TENM3: variants seen among roughly 807,000 people sequenced by gnomAD.
TENM3 encodes the protein teneurin transmembrane protein 3.
In TENM3, 63 loss-of-function variants were observed where a neutral mutation model predicts 255.1. The ratio of observed to expected loss-of-function variants is 0.25; its 90% confidence interval spans 0.20 to 0.30. The LOEUF is 0.30. TENM3 is among the 10% of genes least tolerant of loss of function. The pLI is 1.00. For missense variants in TENM3, 2,929 were observed against 3,461.1 expected, an observed-to-expected ratio of 0.85 and a Z score of 3.86; for synonymous variants, 1,306 against 1,322.3, an observed-to-expected ratio of 0.99 and a Z score of 0.27.
chr4:182,256,109 C>T (rs1328768504), intron 1 of TENM3, among the ~76,000 whole-genome samples: 2 of 152,180 alleles, frequency 1.3e-5, no homozygotes, highest in Non-Finnish European at 1.5e-5. Context: ...CCAACCGTTG[C>T]AAAATGATGA....
intron 3 of TENM3, among the ~76,000 whole-genome samples, chr4:182,541,978 G>A (rs550995818): frequency 1.3e-5 from 2 of 152,056 alleles, no homozygotes; most frequent in African/African-American, 4.8e-5. Flanking sequence ...TGGGAGGATC[G>A]CTTGAGCCCA....
intron 1 of TENM3, among the ~76,000 whole-genome samples, chr4:182,323,136 C>A (rs1580155755): frequency 6.6e-6 from 1 of 152,142 alleles, no homozygotes; most frequent in South Asian, 2.1e-4. Flanking sequence ...ACCCTTTCCA[C>A]TGTCAGTTCA....
At chr4:182,382,951 G>C (rs1173147585) in intron 3 of TENM3, among the ~76,000 whole-genome samples, 1 of 152,068 alleles carries the variant, frequency 6.6e-6, no homozygotes, top group African/African-American at 2.4e-5. Flanking sequence ...CCATGAGCTG[G>C]GACCACCTAC....
At chr4:182,295,307 T>C in intron 1 of TENM3, among the ~76,000 whole-genome samples, 1 of 132,724 alleles carries the variant, frequency 7.5e-6, no homozygotes, top group Admixed American at 8.3e-5. Flanking sequence ...TCACTCTGTC[T>C]CCCAGACTGG....
chr4:181,545,531 A>T, the TENM3 span, among the ~76,000 whole-genome samples: 1 of 152,204 alleles, frequency 6.6e-6, no homozygotes, highest in Non-Finnish European at 1.5e-5. Flanking sequence ...TAAGGATAAT[A>T]GTCGATTTTA....
chr4:182,315,090 T>G (rs1169279742), intron 1 of TENM3, among the ~76,000 whole-genome samples: 1 of 152,180 alleles, frequency 6.6e-6, no homozygotes, highest in African/African-American at 2.4e-5. Flanking sequence ...ATGCTATTAT[T>G]GAGATATATT....
At chr4:181,526,792 G>T in the TENM3 span, among the ~76,000 whole-genome samples, 1 of 152,190 alleles carries the variant, frequency 6.6e-6, no homozygotes, top group Non-Finnish European at 1.5e-5. Flanking sequence ...AATTTCTTCT[G>T]TCTTCCTCTA....
intron 18 of TENM3, among the ~76,000 whole-genome samples, chr4:182,740,838 G>T (rs965161456): frequency 6.6e-6 from 1 of 152,028 alleles, no homozygotes; most frequent in African/African-American, 2.4e-5. Flanking sequence ...TGTAAAAACC[G>T]AACTTTCCAA....
chr4:182,498,230 C>A (rs1014417091), intron 3 of TENM3, among the ~76,000 whole-genome samples: 1 of 152,082 alleles, frequency 6.6e-6, no homozygotes, highest in Admixed American at 6.6e-5. Context: ...GGAAGGCTGA[C>A]TCGTAATTTC....
chr4:182,785,754 T>G (rs1344113749), intron 24 of TENM3, among the ~76,000 whole-genome samples: 1 of 132,098 alleles, frequency 7.6e-6, no homozygotes, highest in African/African-American at 2.9e-5. Flanking sequence ...CCTGGAATAA[T>G]GCTGGTACTT....
the TENM3 span, among the ~76,000 whole-genome samples, chr4:181,762,876 G>A: frequency 6.1e-3 from 916 of 151,286 alleles, 9 homozygotes; most frequent in African/African-American, 0.021. Flanking sequence ...CTATTATTAC[G>A]TGGAAGACTT....
the TENM3 span, among the ~76,000 whole-genome samples, chr4:181,490,015 G>T: frequency 1.3e-5 from 2 of 152,052 alleles, no homozygotes; most frequent in African/African-American, 4.8e-5. Flanking sequence ...ACCTATTTTA[G>T]TTAAAGTTCT....
At chr4:181,984,947 A>G in the TENM3 span, among the ~76,000 whole-genome samples, 16 of 152,096 alleles carry the variant, frequency 1.1e-4, no homozygotes, top group Admixed American at 2.0e-4. Context: ...AGAGAAATCA[A>G]ATTATACTGG....
the TENM3 span, among the ~76,000 whole-genome samples, chr4:181,589,966 T>A: frequency 4.6e-5 from 7 of 152,208 alleles, no homozygotes; most frequent in African/African-American, 1.7e-4. Context: ...CCCCTCCCAC[T>A]TCTCAACTGC....
the TENM3 span, among the ~76,000 whole-genome samples, chr4:181,826,137 C>T: frequency 6.6e-6 from 1 of 152,002 alleles, no homozygotes; most frequent in Non-Finnish European, 1.5e-5. Context: ...ATTCCAGTTA[C>T]ATATATTTAT....
chr4:182,271,055 T>G (rs181811322), intron 1 of TENM3, among the ~76,000 whole-genome samples: 9 of 152,338 alleles, frequency 5.9e-5, no homozygotes, highest in African/African-American at 2.2e-4. Flanking sequence ...CTTTAATTCC[T>G]GTGGAACCCG....
chr4:181,927,613 A>G, the TENM3 span, among the ~76,000 whole-genome samples: 1 of 152,170 alleles, frequency 6.6e-6, no homozygotes, highest in Non-Finnish European at 1.5e-5. Context: ...AGACTTAAAC[A>G]TTCCTGCCTG....
At chr4:181,920,254 T>G in the TENM3 span, among the ~76,000 whole-genome samples, 1 of 152,076 alleles carries the variant, frequency 6.6e-6, no homozygotes, top group Non-Finnish European at 1.5e-5. Flanking sequence ...TACCCAGTAA[T>G]GGGTTGGCTG....
chr4:181,579,309 C>T, the TENM3 span, among the ~76,000 whole-genome samples: 1 of 152,184 alleles, frequency 6.6e-6, no homozygotes, highest in Non-Finnish European at 1.5e-5. Flanking sequence ...ACTCCCCCCA[C>T]ATCTACTCTG....
Sources: allele counts gnomAD v4.1 joint callset (sites outside exome capture counted in the v4.1 genomes callset), GRCh38; gene constraint gnomAD v4.1.1; transcripts MANE v1.5; gene names NCBI Gene and HGNC (gene_info 2026-07-23, HGNC 2026-07-21).